The following ZNF540 variants were observed in gnomAD, a reference collection of about 807,000 sequenced individuals.
ZNF540 encodes the protein CTD-3064H18.6.
In ZNF540, 3 loss-of-function variants were observed where a neutral mutation model predicts 11.8. The observed-to-expected ratio is 0.25, with a 90% confidence interval of 0.12 to 0.65. ZNF540 has a LOEUF of 0.65. Ranked by LOEUF, ZNF540 falls within the 30% of genes least tolerant of loss-of-function variation. The pLI is 0.83. For missense variants in ZNF540, 709 were observed against 793.1 expected, an observed-to-expected ratio of 0.89 and a Z score of 1.27; for synonymous variants, 247 against 259.0, an observed-to-expected ratio of 0.95 and a Z score of 0.45.
chr19:37,572,936 T>C (rs1047776104), intron 1 of ZNF540, among the ~76,000 whole-genome samples: 1 of 152,212 alleles, frequency 6.6e-6, no homozygotes, highest in African/African-American at 2.4e-5. Flanking sequence ...TTTCAAACTT[T>C]AAAACTGACA....
chr19:37,564,739 A>C (rs766394562), intron 1 of ZNF540: 2 of 1,613,628 alleles, frequency 1.2e-6, no homozygotes, highest in South Asian at 2.2e-5. Context: ...AGGCCCTCCC[A>C]CATTCCTTAC....
intron 4 of ZNF540, among the ~76,000 whole-genome samples, chr19:37,602,047 G>T (rs1046645208): frequency 4.6e-5 from 7 of 152,158 alleles, no homozygotes; most frequent in African/African-American, 1.7e-4. Context: ...CAGTTATCAG[G>T]CTATTTCAGA....
chr19:37,613,364 C>T lies in ZNF540; in HGVS notation c.*101C>T. The T allele has an allele frequency of 1.2e-6, 1 of 855,716 alleles. No homozygotes were observed. The highest frequency in any genetic ancestry group is 1.7e-5 in the African/African-American group (1 of 58,848). The allele number at this position is 855,716 out of a possible 1,614,324, so 53.0% of individuals were successfully genotyped here. A position where few individuals can be genotyped will look rare whatever the true frequency, so the allele number is the denominator to read the frequency against. ...GTTGATGTTTTTTTACACATATTAA[C>T]TTAATAAATGTATGAGTCTTAAATA... On this transcript the variant is annotated 3_prime_UTR_variant, in exon 5 of 5. Transcript: ENST00000316433.
At chr19:37,610,241 A>G (rs1243002752) in intron 4 of ZNF540, among the ~76,000 whole-genome samples, 1 of 152,238 alleles carries the variant, frequency 6.6e-6, no homozygotes, top group Non-Finnish European at 1.5e-5. Context: ...CTTATCTGTC[A>G]TTCATCATCA....
At chr19:37,598,139 A>T (rs1410589495) in intron 1 of ZNF540, among the ~76,000 whole-genome samples, 2 of 152,174 alleles carry the variant, frequency 1.3e-5, no homozygotes, top group Admixed American at 6.5e-5. Flanking sequence ...ATTGGCCCAG[A>T]ACTCTCCTGC....
intron 1 of ZNF540, among the ~76,000 whole-genome samples, chr19:37,579,688 A>G (rs553538884): frequency 6.6e-6 from 1 of 152,270 alleles, no homozygotes; most frequent in South Asian, 2.1e-4. Flanking sequence ...TACTAATTTT[A>G]ATTTTATTAC....
chr19:37,570,460 C>T (rs1459323959), intron 1 of ZNF540, among the ~76,000 whole-genome samples: 2 of 152,158 alleles, frequency 1.3e-5, no homozygotes, highest in African/African-American at 4.8e-5. Flanking sequence ...AAGTCAACAC[C>T]AACTCAAGGA....
intron 4 of ZNF540, among the ~76,000 whole-genome samples, chr19:37,603,776 ATC>A (rs1280966724): frequency 6.6e-6 from 1 of 152,204 alleles, no homozygotes; most frequent in Non-Finnish European, 1.5e-5. Flanking sequence ...CATAAAATTT[ATC>A]TGTCAATGTA....
At chr19:37,582,497 T>TAC (rs1294021769) in intron 1 of ZNF540, among the ~76,000 whole-genome samples, 4 of 152,302 alleles carry the variant, frequency 2.6e-5, no homozygotes, top group Middle Eastern at 3.4e-3. Flanking sequence ...GAGCTGTACC[T>TAC]TGCCTTCCGT....
chr19:37,561,147 A>G (rs542545242), intron 1 of ZNF540, among the ~76,000 whole-genome samples: 14 of 151,816 alleles, frequency 9.2e-5, no homozygotes, highest in Non-Finnish European at 2.1e-4. Flanking sequence ...AGGTTGAAGC[A>G]GGAGGATCAC....
intron 3 of ZNF540, 150 bp from the exon 4 acceptor site, chr19:37,600,860 C>T: frequency 1.6e-6 from 1 of 620,854 alleles, no homozygotes; most frequent in East Asian, 3.1e-5. Context: ...TGAGGTTACA[C>T]TAAGTTGAAT....
chr19:37,586,809 G>C (rs960417873), intron 1 of ZNF540: 56 of 921,528 alleles, frequency 6.1e-5, no homozygotes, highest in African/African-American at 1.7e-5. Context: ...AAACTACTTA[G>C]AACTACCTTT....
intron 1 of ZNF540, among the ~76,000 whole-genome samples, chr19:37,577,548 G>A (rs1285092280): frequency 1.3e-5 from 2 of 152,156 alleles, no homozygotes; most frequent in Non-Finnish European, 2.9e-5. Flanking sequence ...TACCTTTTAT[G>A]TAATGAATTA....
At chr19:37,564,141 ATAAGAGAATGGTTGCATCT>A (rs776933457) in intron 1 of ZNF540, 248 of 152,764 alleles carry the variant, frequency 1.6e-3, no homozygotes, top group South Asian at 2.7e-3. Context: ...GGGCTACATG[ATAAGAGAATGGTTGCATCT>A]TTTTACTGTA....
chr19:37,612,466 G>C lies in ZNF540; in HGVS notation c.1186G>C (p.Gly396Arg). ...GTGTGGGAAATCATTTAATGTGCGT[G>C]GACAGCTTAATCGGCATAAAACAAT... is the stretch of plus-strand genomic sequence containing the variant. Reference protein sequence around the residue: ...KECGKSFNVRGQLNRHKTIHT... With the variant: ...KECGKSFNVRRQLNRHKTIHT... Residue 396 changes from glycine (G) to arginine (R), a missense_variant, in exon 5 of 5, where the codon GGA becomes CGA. By Grantham distance (125) the Gly-to-Arg change is moderately radical (BLOSUM62 -2). Coordinates refer to ENST00000316433, the MANE Select transcript of ZNF540 (RefSeq NM_001172225.3). The C allele has an allele frequency of 6.2e-7, 1 of 1,614,106 alleles. No individual in the cohort carries two copies.
intron 1 of ZNF540, among the ~76,000 whole-genome samples, chr19:37,561,732 G>A (rs925442561): frequency 6.6e-6 from 1 of 152,208 alleles, no homozygotes; most frequent in Non-Finnish European, 1.5e-5. Context: ...GCAAATGGCA[G>A]TTAATATGCA....
chr19:37,585,239 A>G (rs2043629770), intron 1 of ZNF540: 2 of 152,240 alleles, frequency 1.3e-5, no homozygotes, highest in South Asian at 2.1e-4. Flanking sequence ...AGGCCCCCCA[A>G]ACATGTCCAC....
At chr19:37,567,172 C>G (rs1231437167) in intron 1 of ZNF540, among the ~76,000 whole-genome samples, 4 of 152,214 alleles carry the variant, frequency 2.6e-5, no homozygotes, top group African/African-American at 9.6e-5. Flanking sequence ...GCATTTTTCA[C>G]TAATGGATAT....
At chr19:37,567,809 A>G (rs1309502405) in intron 1 of ZNF540, 1 of 152,088 alleles carries the variant, frequency 6.6e-6, no homozygotes, top group East Asian at 1.9e-4. Flanking sequence ...CAATTCTAAA[A>G]TTTCATTTAT....
Sources: gnomAD v4.1 joint callset for allele counts (sites outside exome capture counted in the v4.1 genomes callset) on GRCh38, gnomAD v4.1.1 for gene constraint, MANE v1.5 for transcripts, NCBI Gene and HGNC (gene_info 2026-07-23, HGNC 2026-07-21) for gene names.